Variants in CNTNAP2 observed in about 807,000 individuals in gnomAD.
CNTNAP2 encodes the protein contactin associated protein 2.
Under a neutral mutation model 155.2 loss-of-function variants are expected in CNTNAP2, and 98 were observed. That is an observed-to-expected ratio of 0.63 (90% confidence interval 0.54 to 0.75). The LOEUF (loss-of-function observed/expected upper bound fraction) is 0.75, where lower values mean the gene tolerates loss of function less well. Ranked by LOEUF, CNTNAP2 falls within the 30% of genes least tolerant of loss-of-function variation. The pLI is 0.00. For synonymous variants in CNTNAP2, 651 were observed against 631.2 expected (o/e 1.03, Z -0.47); for missense variants, 1,727 against 1,688.1 (o/e 1.02, Z -0.40).
At chr7:146,975,231 G>A (rs1024428812) in intron 3 of CNTNAP2, among the ~76,000 whole-genome samples, 17 of 152,038 alleles carry the variant, frequency 1.1e-4, no homozygotes, top group African/African-American at 3.4e-4. Context: ...TTGGGAGGCC[G>A]AGGTGGATGG....
chr7:147,934,440 A>G (rs534534993), intron 14 of CNTNAP2, among the ~76,000 whole-genome samples: 5 of 152,286 alleles, frequency 3.3e-5, no homozygotes, highest in South Asian at 2.1e-4. Flanking sequence ...AGACTTATTC[A>G]CTATCATGAG....
chr7:147,723,267 A>C (rs978235885), intron 13 of CNTNAP2, among the ~76,000 whole-genome samples: 9 of 152,094 alleles, frequency 5.9e-5, no homozygotes. Flanking sequence ...AGAATATTAC[A>C]GTCAGGAAAC....
chr7:147,880,079 C>T (rs541636747), intron 13 of CNTNAP2, among the ~76,000 whole-genome samples: 1 of 152,334 alleles, frequency 6.6e-6, no homozygotes, highest in African/African-American at 2.4e-5. Context: ...AGCGTTAGCG[C>T]TCACTCTGGT....
chr7:146,152,713 C>T (rs1428588922), intron 1 of CNTNAP2, among the ~76,000 whole-genome samples: 1 of 151,764 alleles, frequency 6.6e-6, no homozygotes, highest in Non-Finnish European at 1.5e-5. Context: ...AAGGAGTCAC[C>T]ACATGGACAA....
chr7:147,244,531 T>C (rs1804014104), intron 8 of CNTNAP2, among the ~76,000 whole-genome samples: 1 of 152,212 alleles, frequency 6.6e-6, no homozygotes, highest in Non-Finnish European at 1.5e-5. Context: ...GACAAATATT[T>C]CTTCCATGTA....
intron 12 of CNTNAP2, among the ~76,000 whole-genome samples, chr7:147,625,718 C>T (rs76180010): frequency 1.3e-5 from 2 of 152,096 alleles, no homozygotes; most frequent in Non-Finnish European, 1.5e-5. Flanking sequence ...TCTGTTGCTC[C>T]AAGAACCAAC....
At chr7:146,507,522 A>G (rs1157554131) in intron 1 of CNTNAP2, among the ~76,000 whole-genome samples, 1 of 152,178 alleles carries the variant, frequency 6.6e-6, no homozygotes, top group South Asian at 2.1e-4. Flanking sequence ...ATGGAGCACA[A>G]ATGCTTTCCA....
intron 2 of CNTNAP2, among the ~76,000 whole-genome samples, chr7:146,820,623 T>G (rs940240876): frequency 6.6e-6 from 1 of 152,176 alleles, no homozygotes; most frequent in Non-Finnish European, 1.5e-5. Flanking sequence ...GGTGTGGTGC[T>G]GAAAAGAATG....
chr7:147,336,222 T>C (rs7798162), intron 9 of CNTNAP2, among the ~76,000 whole-genome samples: 33,433 of 152,074 alleles, frequency 0.22, 4,168 homozygotes, highest in Non-Finnish European at 0.28. Context: ...TTAGAGATTA[T>C]TTACAATCAA....
At chr7:146,161,629 C>A (rs1798223774) in intron 1 of CNTNAP2, among the ~76,000 whole-genome samples, 1 of 152,150 alleles carries the variant, frequency 6.6e-6, no homozygotes, top group Admixed American at 6.6e-5. Flanking sequence ...ATCAAGCTAC[C>A]AATGCCTTTC....
At chr7:147,996,150 T>A (rs576614913) in intron 15 of CNTNAP2, among the ~76,000 whole-genome samples, 69 of 152,290 alleles carry the variant, frequency 4.5e-4, no homozygotes, top group African/African-American at 1.6e-3. Context: ...AAGCTTGGTT[T>A]CTCTAATAGC....
intron 3 of CNTNAP2, among the ~76,000 whole-genome samples, chr7:146,911,580 C>G (rs1397729519): frequency 6.8e-6 from 1 of 147,176 alleles, no homozygotes; most frequent in East Asian, 2.0e-4. Flanking sequence ...ACCGTATATT[C>G]TCACTCATAG....
chr7:147,632,420 A>T (rs1043464188), intron 12 of CNTNAP2, among the ~76,000 whole-genome samples: 5 of 151,998 alleles, frequency 3.3e-5, no homozygotes, highest in African/African-American at 1.2e-4. Flanking sequence ...TCCTGTTGTG[A>T]TAGTAAGTTA....
rs1198860748 is a variant in CNTNAP2, at chr7:148,409,878, C to T, written c.3796+407C>T. On this transcript the variant is annotated intron_variant, in intron 23 of 23. Transcript: ENST00000361727. ...CATCTTGGCTAACACGGTGAAACCC[C>T]GTCTCTACTAAAAATACAAAAAATT... 5.4e-5 allele frequency among the ~76,000 whole-genome samples: 5 copies of T among 92,182 alleles called. 2 individuals carry two copies. Among genetic ancestry groups the T allele is most frequent in the South Asian group, 4.1e-4 (1 of 2,456 alleles). 60.5% of individuals were successfully genotyped at this position (92,182 alleles called of 152,430 possible). A position where few individuals can be genotyped will look rare whatever the true frequency, so the allele number is the denominator to read the frequency against.
chr7:148,024,157 T>TTAAAAAAAAAAA (rs1554463557), intron 15 of CNTNAP2, among the ~76,000 whole-genome samples: 7 of 107,630 alleles, frequency 6.5e-5, no homozygotes, highest in South Asian at 3.4e-4. Flanking sequence ...CTTTAAAGTG[T>TTAAAAAAAAAAA]AAAAAAAAAA....
intron 22 of CNTNAP2, among the ~76,000 whole-genome samples, chr7:148,391,314 T>C (rs1799342795): frequency 6.8e-6 from 1 of 147,342 alleles, no homozygotes; most frequent in Non-Finnish European, 1.5e-5. Context: ...TTTCACATGA[T>C]TGGAGTTTGG....
At chr7:147,866,076 C>G (rs1387188026) in intron 13 of CNTNAP2, among the ~76,000 whole-genome samples, 2 of 152,136 alleles carry the variant, frequency 1.3e-5, no homozygotes, top group Non-Finnish European at 2.9e-5. Context: ...ATAAATTTCC[C>G]TCTATACACT....
chr7:147,056,292 G>T (rs77316301), intron 4 of CNTNAP2, among the ~76,000 whole-genome samples: 8,512 of 151,982 alleles, frequency 0.056, 609 homozygotes, highest in African/African-American at 0.17. Context: ...TGCTGTGTTG[G>T]CTGTATTTGT....
chr7:147,109,367 C>T (rs1345507431), intron 5 of CNTNAP2, among the ~76,000 whole-genome samples: 2 of 152,102 alleles, frequency 1.3e-5, no homozygotes, highest in East Asian at 3.9e-4. Flanking sequence ...GGCTTGAGCA[C>T]CAAATGGACA....
Sources: allele counts gnomAD v4.1 joint callset (sites outside exome capture counted in the v4.1 genomes callset), GRCh38; gene constraint gnomAD v4.1.1; transcripts MANE v1.5; gene names NCBI Gene and HGNC (gene_info 2026-07-23, HGNC 2026-07-21).